Variants in TLK1 observed in about 807,000 individuals in gnomAD.
TLK1 encodes the protein tousled like kinase 1, also known as serine/threonine-protein kinase tousled-like 1.
In TLK1, 24 loss-of-function variants were observed where a neutral mutation model predicts 105.3. The observed-to-expected ratio is 0.23, with a 90% CI of 0.17 to 0.32. TLK1 has a LOEUF of 0.32. Ranked by LOEUF, TLK1 falls within the 10% of genes least tolerant of loss-of-function variation. TLK1 has a pLI of 1.00. For missense variants in TLK1, 558 were observed against 910.5 expected, an observed-to-expected ratio of 0.61 and a Z score of 4.98; for synonymous variants, 321 against 310.4, an observed-to-expected ratio of 1.03 and a Z score of -0.36.
At chr2:171,153,405 A>T (rs1333524062) in intron 1 of TLK1, among the ~76,000 whole-genome samples, 1 of 152,220 alleles carries the variant, frequency 6.6e-6, no homozygotes, top group Non-Finnish European at 1.5e-5. Flanking sequence ...TACTAAAATA[A>T]GCATCTTCCT....
intron 20 of TLK1, among the ~76,000 whole-genome samples, chr2:170,995,251 T>C (rs1438920031): frequency 6.6e-6 from 1 of 152,168 alleles, no homozygotes; most frequent in African/African-American, 2.4e-5. Context: ...AATAATGTAC[T>C]TAAAGATGCC....
chr2:171,101,403 G>A (rs1415763582), intron 2 of TLK1, among the ~76,000 whole-genome samples: 2 of 147,432 alleles, frequency 1.4e-5, no homozygotes, highest in African/African-American at 2.6e-5. Context: ...TCACTCCATT[G>A]ATATAAAATG....
intron 11 of TLK1, among the ~76,000 whole-genome samples, chr2:171,042,340 G>A (rs1686721028): frequency 6.6e-6 from 1 of 152,136 alleles, no homozygotes. Flanking sequence ...AAACTCCTGG[G>A]CTCAAGAGAT....
At chr2:171,143,217 T>C (rs550219978) in intron 1 of TLK1, among the ~76,000 whole-genome samples, 3 of 152,238 alleles carry the variant, frequency 2.0e-5, no homozygotes, top group African/African-American at 7.2e-5. Context: ...GTACAAAAAC[T>C]ATAAAATGTA....
At chr2:171,013,214 T>C (rs758892542) in intron 13 of TLK1, among the ~76,000 whole-genome samples, 6 of 151,894 alleles carry the variant, frequency 4.0e-5, no homozygotes. Context: ...GGTTTCACCA[T>C]GTTGGCCAGG....
At chr2:171,078,227 T>C (rs944020446) in intron 3 of TLK1, among the ~76,000 whole-genome samples, 2 of 152,186 alleles carry the variant, frequency 1.3e-5, no homozygotes, top group African/African-American at 2.4e-5. Flanking sequence ...CAAACCCTAC[T>C]GATTCTACTT....
In TLK1 at chr2:171,123,053, TAAATAC is replaced by T. The variant is rs758706424; in HGVS notation, c.140-5202_140-5197del. 4.6e-3 allele frequency among the ~76,000 whole-genome samples: 420 copies of T among 91,426 alleles called. 2 individuals carry two copies. Among genetic ancestry groups the T allele is most frequent in the African/African-American group, 0.025 (351 of 13,964 alleles). 60.0% of individuals were successfully genotyped at this position (91,426 alleles called of 152,430 possible). A position where few individuals can be genotyped will look rare whatever the true frequency, so the allele number is the denominator to read the frequency against. ...GACCCTATATGAAAAAATAAATAAATAAATACACACACACACACACACACACACACA... is the reference window on the plus strand; with the variant it reads ...GACCCTATATGAAAAAATAAATAAATACACACACACACACACACACACACA... On this transcript the variant is annotated intron_variant, in intron 1 of 20. Coordinates refer to ENST00000431350, the MANE Select transcript of TLK1 (RefSeq NM_012290.5).
chr2:171,026,920 CAATAGAACAG>C (rs1685801877), intron 12 of TLK1, among the ~76,000 whole-genome samples: 1 of 151,958 alleles, frequency 6.6e-6, no homozygotes, highest in Non-Finnish European at 1.5e-5. Flanking sequence ...TCAATAATTA[CAATAGAACAG>C]AATAGAACTA....
intron 1 of TLK1, among the ~76,000 whole-genome samples, chr2:171,223,761 TGAGCCACCACTCCCA>T (rs1194409806): frequency 6.6e-6 from 1 of 152,108 alleles, no homozygotes; most frequent in Non-Finnish European, 1.5e-5. Flanking sequence ...ATTACAGGCA[TGAGCCACCACTCCCA>T]GCAGTGCACA....
chr2:171,084,653 G>C (rs1420569213), intron 2 of TLK1, among the ~76,000 whole-genome samples: 2 of 152,120 alleles, frequency 1.3e-5, no homozygotes, highest in African/African-American at 4.8e-5. Flanking sequence ...AAAAAATAAA[G>C]TAAGATACAG....
intron 12 of TLK1, among the ~76,000 whole-genome samples, chr2:171,023,414 T>TACACACACAC (rs140384482): frequency 2.1e-4 from 31 of 147,632 alleles, no homozygotes; most frequent in Admixed American, 4.0e-4. Flanking sequence ...CACTCACACA[T>TACACACACAC]ACACACACAC....
At chr2:171,186,698 T>C (rs2105310859) in intron 1 of TLK1, among the ~76,000 whole-genome samples, 1 of 152,298 alleles carries the variant, frequency 6.6e-6, no homozygotes, top group South Asian at 2.1e-4. Flanking sequence ...ATAATCACTT[T>C]GTAATCACTT....
intron 1 of TLK1, among the ~76,000 whole-genome samples, chr2:171,151,464 G>A (rs964683385): frequency 6.8e-6 from 1 of 146,942 alleles, no homozygotes; most frequent in Non-Finnish European, 1.5e-5. Flanking sequence ...TAATAAATAT[G>A]TGTATCTTTT....
intron 1 of TLK1, among the ~76,000 whole-genome samples, chr2:171,146,994 A>G (rs1308564551): frequency 1.3e-5 from 2 of 152,232 alleles, no homozygotes; most frequent in African/African-American, 4.8e-5. Flanking sequence ...GTTAATTTCT[A>G]GCAACCAAAT....
chr2:171,096,317 T>C (rs987471895), intron 2 of TLK1, among the ~76,000 whole-genome samples: 5 of 151,592 alleles, frequency 3.3e-5, no homozygotes, highest in African/African-American at 1.2e-4. Context: ...CTGATCAACA[T>C]AGCGAGACCC....
At chr2:171,106,272 G>C (rs1316522777) in intron 2 of TLK1, among the ~76,000 whole-genome samples, 2 of 152,126 alleles carry the variant, frequency 1.3e-5, no homozygotes, top group Non-Finnish European at 2.9e-5. Flanking sequence ...GTGTTCTATA[G>C]CACTATAGGA....
chr2:171,218,578 G>T (rs1693755977), intron 1 of TLK1, among the ~76,000 whole-genome samples: 1 of 152,180 alleles, frequency 6.6e-6, no homozygotes, highest in African/African-American at 2.4e-5. Context: ...ATTTCTCGCA[G>T]TTTTGGGGGC....
At position 171,011,380 on chromosome 2, in the gene TLK1, A is replaced by C; in HGVS notation, c.1409T>G (p.Val470Gly). The C allele has an allele frequency of 6.2e-7, 1 of 1,612,220 alleles. No homozygotes were observed. The highest frequency in any genetic ancestry group is 8.5e-7 in the Non-Finnish European group (1 of 1,178,976). Residue 470 changes from valine (V) to glycine (G), a missense_variant, in exon 14 of 21, where the codon GTG (valine) becomes GGG (glycine). Physicochemically the swap from Val to Gly is moderately radical, Grantham distance 109 (BLOSUM62 -3). Transcript: ENST00000431350. Reference sequence around the variant, plus strand: ...GAATAAAACATACATTACCTTATACACTTCACTAAAGCCACCTCTACCAAG... The same window carrying C: ...GAATAAAACATACATTACCTTATACCCTTCACTAAAGCCACCTCTACCAAG... ...HLLGRGGFSE[V>G]YKAFDLYEQR...
At chr2:171,221,538 T>A (rs1246887760) in intron 1 of TLK1, among the ~76,000 whole-genome samples, 1 of 152,250 alleles carries the variant, frequency 6.6e-6, no homozygotes, top group Admixed American at 6.5e-5. Context: ...ATTTAAAGCA[T>A]TCTACAATAT....
Sources: gnomAD v4.1 joint callset for allele counts (sites outside exome capture counted in the v4.1 genomes callset) on GRCh38, gnomAD v4.1.1 for gene constraint, MANE v1.5 for transcripts, NCBI Gene and HGNC (gene_info 2026-07-23, HGNC 2026-07-21) for gene names.